Variants in KCNK10 observed in about 807,000 individuals in gnomAD.
KCNK10 encodes the protein potassium two pore domain channel subfamily K member 10.
In KCNK10, 25 loss-of-function variants were observed where a neutral mutation model predicts 47.7. The observed-to-expected ratio is 0.52, with a 90% CI of 0.38 to 0.73. The LOEUF is 0.73. Among genes scored for constraint, KCNK10 ranks in the 30% least tolerant of loss-of-function variants. The probability of loss-of-function intolerance (pLI) is 0.00; values close to 1 mark genes in which losing one functional copy is unlikely to be tolerated. For missense variants in KCNK10, 563 were observed against 714.5 expected (o/e 0.79, Z 2.42); for synonymous variants, 303 against 285.6 (o/e 1.06, Z -0.61).
At chr14:88,196,005 A>G (rs1003555085) in intron 4 of KCNK10, among the ~76,000 whole-genome samples, 2 of 152,194 alleles carry the variant, frequency 1.3e-5, no homozygotes, top group Non-Finnish European at 2.9e-5. Flanking sequence ...GGCTAACAAA[A>G]CTGTTATCAG....
intron 1 of KCNK10, among the ~76,000 whole-genome samples, chr14:88,318,137 G>T (rs1440220243): frequency 6.6e-6 from 1 of 152,188 alleles, no homozygotes; most frequent in Non-Finnish European, 1.5e-5. Flanking sequence ...GAATATCAGC[G>T]TCCTTTCTGA....
intron 2 of KCNK10, among the ~76,000 whole-genome samples, chr14:88,244,425 T>G (rs1886569163): frequency 6.6e-6 from 1 of 152,184 alleles, no homozygotes; most frequent in African/African-American, 2.4e-5. Context: ...TCCCAGCACT[T>G]TGGGAGGCCA....
chr14:88,319,995 G>A (rs969329646), intron 1 of KCNK10, among the ~76,000 whole-genome samples: 17 of 152,150 alleles, frequency 1.1e-4, no homozygotes, highest in Non-Finnish European at 2.5e-4. Context: ...ACAGATAAGA[G>A]ATATGCCACC....
chr14:88,252,194 C>T (rs1886819717), intron 2 of KCNK10, among the ~76,000 whole-genome samples: 1 of 152,062 alleles, frequency 6.6e-6, no homozygotes, highest in African/African-American at 2.4e-5. Flanking sequence ...AGATTATAGA[C>T]ATGAGCCACC....
intron 4 of KCNK10, among the ~76,000 whole-genome samples, chr14:88,220,868 T>C (rs1885786946): frequency 6.6e-6 from 1 of 151,950 alleles, no homozygotes; most frequent in African/African-American, 2.4e-5. Flanking sequence ...TGGACTTCAT[T>C]AAAATTAAAA....
Position 88,182,767 on chromosome 14 carries a change from G to A in KCNK10, c.*2768C>T, listed in dbSNP as rs1051647155. The A allele has an allele frequency of 2.6e-5, 4 of 152,326 alleles. No individual in the cohort carries two copies. The East Asian group carries it at 5.6e-4, about 21-fold the overall frequency. 9.4% of individuals were successfully genotyped at this position (152,326 alleles called of 1,614,324 possible). ...ACCAACACATGCACCTGTTCCATTTGGTAGAGTATGCAGCTTAGTGCTTTG... is the reference window on the plus strand; with the variant it reads ...ACCAACACATGCACCTGTTCCATTTAGTAGAGTATGCAGCTTAGTGCTTTG... On this transcript the variant is annotated 3_prime_UTR_variant, in exon 7 of 7. Coordinates refer to ENST00000319231, the MANE Select transcript of KCNK10 (RefSeq NM_138317.3).
intron 1 of KCNK10, among the ~76,000 whole-genome samples, chr14:88,309,330 G>A (rs1045575329): frequency 6.6e-6 from 1 of 152,170 alleles, no homozygotes; most frequent in Non-Finnish European, 1.5e-5. Context: ...GGCAGGGCAC[G>A]GTGGCTCACA....
chr14:88,308,778 AC>A (rs1239162199), intron 1 of KCNK10, among the ~76,000 whole-genome samples: 1 of 152,222 alleles, frequency 6.6e-6, no homozygotes, highest in East Asian at 1.9e-4. Context: ...CTAATTACAA[AC>A]TAGGCAGCTC....
chr14:88,201,441 C>T (rs1035739973), intron 4 of KCNK10, among the ~76,000 whole-genome samples: 5 of 152,100 alleles, frequency 3.3e-5, no homozygotes, highest in Admixed American at 6.5e-5. Context: ...AGGTGGATCA[C>T]TTGAGGTCAG....
At chr14:88,238,743 C>A (rs1307345981) in intron 3 of KCNK10, among the ~76,000 whole-genome samples, 3 of 152,206 alleles carry the variant, frequency 2.0e-5, no homozygotes, top group Admixed American at 1.3e-4. Flanking sequence ...AGAGACTTAG[C>A]TGTTGGCCTG....
At position 88,240,823 on chromosome 14, in the gene KCNK10, G is replaced by A. The variant is rs1467161525; in HGVS notation, c.403-3C>T. The A allele has an allele frequency of 5.1e-6, 8 of 1,567,850 alleles. No individual in the cohort carries two copies. Among genetic ancestry groups the A allele is most frequent in the Middle Eastern group, 3.3e-4 (2 of 5,986 alleles). On this transcript the variant is annotated splice_region_variant and splice_polypyrimidine_tract_variant and intron_variant, in intron 2 of 6. Transcript: ENST00000319231. Reference sequence around the variant, plus strand: ...GCATTGTCAGCATCAAGAGCATGCTGCAAAGAAAGGGAAAAAGCATAAGAC... The same window carrying A: ...GCATTGTCAGCATCAAGAGCATGCTACAAAGAAAGGGAAAAAGCATAAGAC...
In KCNK10 at chr14:88,279,715, A is replaced by C. The variant is rs192528089; in HGVS notation, c.53-16164T>G. 1.6e-4 allele frequency among the ~76,000 whole-genome samples: 25 copies of C among 152,232 alleles called. No homozygotes were observed. In the East Asian group the frequency reaches 4.1e-3, roughly 25 times the overall value. On this transcript the variant is annotated intron_variant, in intron 1 of 6. Coordinates refer to ENST00000319231, the MANE Select transcript of KCNK10 (RefSeq NM_138317.3). ...CCCTACCCAACATAATTGGCCAAAA[A>C]CATAGTGAAGTACTAAACTGGGTGA...
intron 2 of KCNK10, among the ~76,000 whole-genome samples, chr14:88,258,526 T>C (rs1887022220): frequency 6.6e-6 from 1 of 152,176 alleles, no homozygotes; most frequent in South Asian, 2.1e-4. Context: ...CCTGACATCG[T>C]GATCCGCTTG....
chr14:88,207,135 A>G (rs1885299365), intron 4 of KCNK10, among the ~76,000 whole-genome samples: 1 of 150,338 alleles, frequency 6.7e-6, no homozygotes, highest in Non-Finnish European at 1.5e-5. Flanking sequence ...ATTTATTTGC[A>G]TACAATACTA....
chr14:88,261,922 A>C (rs2139752074), intron 2 of KCNK10, among the ~76,000 whole-genome samples: 1 of 152,318 alleles, frequency 6.6e-6, no homozygotes, highest in African/African-American at 2.4e-5. Context: ...GAAGGGAAGA[A>C]TTTGTATTTC....
intron 3 of KCNK10, among the ~76,000 whole-genome samples, chr14:88,232,728 C>T (rs963176557): frequency 1.3e-5 from 2 of 152,336 alleles, no homozygotes; most frequent in Middle Eastern, 3.4e-3. Flanking sequence ...TAACACTGTA[C>T]AATGATACTG....
intron 1 of KCNK10, among the ~76,000 whole-genome samples, chr14:88,301,673 G>A (rs1005565509): frequency 8.3e-5 from 12 of 144,274 alleles, no homozygotes; most frequent in Non-Finnish European, 1.2e-4. Flanking sequence ...AAGAGGTCCC[G>A]TAAAGGCCCT....
At chr14:88,280,540 A>G (rs1887628253) in intron 1 of KCNK10, among the ~76,000 whole-genome samples, 1 of 152,096 alleles carries the variant, frequency 6.6e-6, no homozygotes, top group East Asian at 1.9e-4. Context: ...TTTCATTTGG[A>G]TACCTCAGGT....
intron 1 of KCNK10, among the ~76,000 whole-genome samples, chr14:88,321,020 T>C (rs3844025): frequency 0.93 from 141,351 of 152,256 alleles, 65,934 homozygotes; most frequent in Non-Finnish European, 0.98. Context: ...AGCCAAGGCA[T>C]ACTTCCGTAT....
Sources: allele counts gnomAD v4.1 joint callset (sites outside exome capture counted in the v4.1 genomes callset), GRCh38; gene constraint gnomAD v4.1.1; transcripts MANE v1.5; gene names NCBI Gene and HGNC (gene_info 2026-07-23, HGNC 2026-07-21).